The following CCDC57 variants were observed in gnomAD, a reference collection of about 807,000 sequenced individuals.
CCDC57 encodes coiled-coil domain-containing protein 57.
CCDC57 carries 118 observed loss-of-function variants against 118.9 expected under a neutral mutation model. The observed-to-expected ratio is 0.99, with a 90% CI of 0.86 to 1.16. CCDC57 has a LOEUF of 1.16. Among genes scored for constraint, CCDC57 ranks in the 50% most tolerant of loss-of-function variants. The pLI is 0.00. For synonymous variants in CCDC57, 527 were observed against 532.9 expected, an observed-to-expected ratio of 0.99 and a Z score of 0.15; for missense variants, 1,300 against 1,320.7, an observed-to-expected ratio of 0.98 and a Z score of 0.24.
At chr17:82,117,700 T>G (rs2036101018) in intron 19 of CCDC57, among the ~76,000 whole-genome samples, 2 of 151,954 alleles carry the variant, frequency 1.3e-5, no homozygotes, top group Non-Finnish European at 2.9e-5. Flanking sequence ...AAAGGCAAAT[T>G]AAAACCAATA....
chr17:82,101,607 A>G (rs1225650371), exon 20 of CCDC57: 3 of 1,273,138 alleles, frequency 2.4e-6, no homozygotes, highest in Non-Finnish European at 3.3e-6. Context: ...ACCCCCCCAC[A>G]ACACGTAGGT....
intron 17 of CCDC57, among the ~76,000 whole-genome samples, chr17:82,132,525 T>C (rs1046846783): frequency 1.3e-5 from 2 of 152,084 alleles, no homozygotes; most frequent in Non-Finnish European, 2.9e-5. Context: ...AGAAGAACTA[T>C]AAATGGCCAA....
intron 19 of CCDC57, chr17:82,107,368 C>CAGGAGTG (rs1555673151): frequency 2.7e-5 from 12 of 452,152 alleles, no homozygotes; most frequent in South Asian, 9.4e-5. Flanking sequence ...ACAGATGCCG[C>CAGGAGTG]GGGAGTGGGG....
chr17:82,197,344 G>C (rs2048445270), intron 4 of CCDC57, among the ~76,000 whole-genome samples: 1 of 152,354 alleles, frequency 6.6e-6, no homozygotes, highest in South Asian at 2.1e-4. Flanking sequence ...TATGCACACA[G>C]TGGCAGCATC....
intron 1 of CCDC57, among the ~76,000 whole-genome samples, chr17:82,208,330 C>T (rs149921149): frequency 0.016 from 2,483 of 152,252 alleles, 69 homozygotes; most frequent in African/African-American, 0.057. Context: ...GATCTTGGCT[C>T]ACTGCAACCT....
Position 82,163,191 on chromosome 17 carries a change from C to T in CCDC57, c.2040+9G>A. 1.9e-6 allele frequency: 3 copies of T among 1,612,356 alleles called. No homozygotes were observed. The South Asian group carries it at 3.3e-5, about 18-fold the overall frequency. On this transcript the variant is annotated intron_variant, in intron 14 of 19. Coordinates refer to ENST00000665763, the Ensembl canonical transcript of CCDC57. ...TAGGAGGATGACCCCACAAACTTGA[C>T]TGCCTCACCTTCTGTCTGAGTCGTG...
intron 19 of CCDC57, among the ~76,000 whole-genome samples, chr17:82,110,763 G>A (rs996048663): frequency 7.2e-5 from 11 of 152,218 alleles, no homozygotes; most frequent in African/African-American, 2.2e-4. Context: ...GGTGGCTCGC[G>A]CCTGTAATCC....
At chr17:82,142,374 G>A (rs9892869) in intron 16 of CCDC57, among the ~76,000 whole-genome samples, 70,524 of 151,098 alleles carry the variant, frequency 0.47, 17,276 homozygotes, top group East Asian at 0.88. Flanking sequence ...GTGCAGTGGC[G>A]TGATCTCAGC....
intron 11 of CCDC57, chr17:82,175,684 GTGTGCTC>G (rs1419392661): frequency 6.6e-6 from 1 of 152,200 alleles, no homozygotes; most frequent in Non-Finnish European, 1.5e-5. Context: ...TAAAACCGAG[GTGTGCTC>G]TGACCACCTC....
At chr17:82,127,546 G>A in intron 19 of CCDC57, 146 bp downstream of exon 18, 2 of 1,434,266 alleles carry the variant, frequency 1.4e-6, no homozygotes, top group Non-Finnish European at 1.8e-6. Context: ...GAGAGGTAAA[G>A]AGACTCCATG....
intron 19 of CCDC57, among the ~76,000 whole-genome samples, chr17:82,102,158 G>A (rs527567914): frequency 1.6e-4 from 24 of 152,258 alleles, no homozygotes; most frequent in Admixed American, 7.2e-4. Context: ...TGACCATTTC[G>A]TAATGGGTCC....
chr17:82,139,605 C>T (rs1436765617), intron 16 of CCDC57, among the ~76,000 whole-genome samples: 1 of 152,210 alleles, frequency 6.6e-6, no homozygotes, highest in Non-Finnish European at 1.5e-5. Context: ...ATCCACCTCC[C>T]TCATTCTCCC....
At chr17:82,178,601 G>T in exon 11 of CCDC57, 1 of 1,611,736 alleles carries the variant, frequency 6.2e-7, no homozygotes. Context: ...CAGCTTGGCA[G>T]CAACCTGGGA....
At chr17:82,111,307 T>G (rs2035224025) in intron 19 of CCDC57, among the ~76,000 whole-genome samples, 1 of 96,838 alleles carries the variant, frequency 1.0e-5, no homozygotes, top group African/African-American at 4.0e-5. Context: ...TTCACTGTGT[T>G]AGCCAGGATG....
chr17:82,158,856 C>G (rs1366469623), intron 14 of CCDC57, among the ~76,000 whole-genome samples: 2 of 145,636 alleles, frequency 1.4e-5, no homozygotes, highest in African/African-American at 5.1e-5. Context: ...CCGCATCCAG[C>G]CTATTTCTAT....
chr17:82,125,054 T>C (rs1018407951), intron 19 of CCDC57, among the ~76,000 whole-genome samples: 2 of 152,136 alleles, frequency 1.3e-5, no homozygotes, highest in African/African-American at 4.8e-5. Flanking sequence ...GGGACGCGGC[T>C]GCGTGGAAGA....
At chr17:82,148,164 T>TGGAC (rs1318341361) in intron 16 of CCDC57, among the ~76,000 whole-genome samples, 1 of 130,624 alleles carries the variant, frequency 7.7e-6, no homozygotes, top group Non-Finnish European at 1.6e-5. Context: ...GATGGATGGA[T>TGGAC]GGATGAATAG....
At position 82,147,201 on chromosome 17, in the gene CCDC57, G is replaced by C. The variant is rs901263330; in HGVS notation, c.2455+4359C>G. 1.1e-4 allele frequency among the ~76,000 whole-genome samples: 17 copies of C among 151,524 alleles called. No individual in the cohort carries two copies. In the East Asian group the frequency reaches 1.2e-3, roughly 10 times the overall value. On this transcript the variant is annotated intron_variant, in intron 16 of 19. Transcript: ENST00000665763. ...GGATAAGTGGTTGGATAAATGGATG[G>C]ATAGGTGGGTGCATGGGTAGGTGGA...
chr17:82,126,285 GAAAA>G (rs35272996), intron 19 of CCDC57: 107 of 566,254 alleles, frequency 1.9e-4, no homozygotes, highest in South Asian at 2.3e-4. Context: ...CATCTCAAAG[GAAAA>G]AAAAAAAAAA....
Sources: gnomAD v4.1 joint callset for allele counts (sites outside exome capture counted in the v4.1 genomes callset) on GRCh38, gnomAD v4.1.1 for gene constraint, MANE v1.5 for transcripts, NCBI Gene and HGNC (gene_info 2026-07-23, HGNC 2026-07-21) for gene names.